Variants in VPS26A observed in about 807,000 individuals in gnomAD.
VPS26A encodes vacuolar protein sorting-associated protein 26A.
A neutral mutation model predicts 42.4 loss-of-function variants in VPS26A; 22 were observed. The ratio of observed to expected loss-of-function variants is 0.52; its 90% CI spans 0.37 to 0.74. The LOEUF (loss-of-function observed/expected upper bound fraction) is 0.74. VPS26A is among the 30% of genes least tolerant of loss of function. VPS26A has a pLI of 0.00. For missense variants in VPS26A, 276 were observed against 379.2 expected (o/e 0.73, Z 2.26); for synonymous variants, 110 against 123.5 (o/e 0.89, Z 0.73).
intron 1 of VPS26A, among the ~76,000 whole-genome samples, chr10:69,132,488 G>A (rs946737718): frequency 1.3e-5 from 2 of 150,762 alleles, no homozygotes; most frequent in East Asian, 1.9e-4. Flanking sequence ...TGTTGCCTAG[G>A]CTGGAGTGCA....
chr10:69,136,710 A>C (rs10998597), intron 2 of VPS26A, among the ~76,000 whole-genome samples: 6,338 of 152,212 alleles, frequency 0.042, 466 homozygotes, highest in African/African-American at 0.14. Context: ...CGTTATCTAT[A>C]TCTTGTGACC....
intron 4 of VPS26A, among the ~76,000 whole-genome samples, chr10:69,157,505 G>C (rs1273546478): frequency 2.6e-5 from 4 of 152,184 alleles, no homozygotes; most frequent in Non-Finnish European, 5.9e-5. Flanking sequence ...TGGAGTACCA[G>C]AGAGGCTCTG....
At chr10:69,134,859 G>C (rs1462318900) in intron 2 of VPS26A, among the ~76,000 whole-genome samples, 1 of 152,028 alleles carries the variant, frequency 6.6e-6, no homozygotes, top group Non-Finnish European at 1.5e-5. Flanking sequence ...TTAGGAGGCC[G>C]AGGAGGGAGG....
At chr10:69,147,530 T>C (rs1273664546) in intron 2 of VPS26A, among the ~76,000 whole-genome samples, 1 of 152,160 alleles carries the variant, frequency 6.6e-6, no homozygotes, top group Non-Finnish European at 1.5e-5. Flanking sequence ...TCTAAGAGTT[T>C]TTTAATTGTA....
chr10:69,147,275 T>C (rs1221031951), intron 2 of VPS26A, among the ~76,000 whole-genome samples: 1 of 152,206 alleles, frequency 6.6e-6, no homozygotes, highest in Non-Finnish European at 1.5e-5. Context: ...TTTCTTTTTA[T>C]GGTTGAGTTG....
At chr10:69,168,182 C>T (rs533261619) in intron 7 of VPS26A, among the ~76,000 whole-genome samples, 2 of 152,290 alleles carry the variant, frequency 1.3e-5, no homozygotes, top group African/African-American at 2.4e-5. Flanking sequence ...GCAACTTCAC[C>T]TCACAATGAA....
At chr10:69,157,196 T>G in intron 4 of VPS26A, 33 bp downstream of exon 4, 2 of 1,574,512 alleles carry the variant, frequency 1.3e-6, no homozygotes, top group Admixed American at 3.8e-5. Flanking sequence ...GTAAACAGAA[T>G]CAAAACCAGA....
chr10:69,132,077 A>G (rs1034814719), intron 1 of VPS26A, among the ~76,000 whole-genome samples: 1 of 152,230 alleles, frequency 6.6e-6, no homozygotes, highest in Non-Finnish European at 1.5e-5. Context: ...ACAGTGTAAC[A>G]TATCCTGTTC....
chr10:69,133,671 G>C, intron 2 of VPS26A: 2 of 1,183,590 alleles, frequency 1.7e-6, no homozygotes, highest in Non-Finnish European at 2.2e-6. Context: ...TGGGTTTTTT[G>C]GGTTTTTTGT....
intron 2 of VPS26A, among the ~76,000 whole-genome samples, chr10:69,144,813 A>G (rs1330088203): frequency 3.3e-5 from 5 of 151,840 alleles, no homozygotes; most frequent in Admixed American, 6.6e-5. Flanking sequence ...TCCTTTGTCT[A>G]TGTATGTATC....
At chr10:69,162,914 A>G (rs548346540) in intron 6 of VPS26A, among the ~76,000 whole-genome samples, 3 of 152,182 alleles carry the variant, frequency 2.0e-5, no homozygotes, top group Non-Finnish European at 4.4e-5. Context: ...TTCAGCTTGG[A>G]CAACAGAGTG....
intron 2 of VPS26A, among the ~76,000 whole-genome samples, chr10:69,139,827 G>T (rs1403105970): frequency 1.3e-5 from 2 of 151,892 alleles, no homozygotes; most frequent in South Asian, 2.1e-4. Context: ...TTTCTAAAAT[G>T]ATTTTTACTT....
Position 69,132,878 on chromosome 10 carries a change from C to G in VPS26A, c.4-20C>G, listed in dbSNP as rs748542609. The G allele has an allele frequency of 3.9e-5, 62 of 1,570,788 alleles. No individual in the cohort carries two copies. The highest frequency in any genetic ancestry group is 4.3e-5 in the Admixed American group (2 of 46,636). On this transcript the variant is annotated intron_variant, in intron 1 of 8. Coordinates refer to ENST00000263559, the MANE Select transcript of VPS26A (RefSeq NM_004896.5). Reference sequence around the variant, plus strand: ...GACTGACTAAACATGATAATTATGACCATTTTCATTTTATTTCAGAGTTTT... The same window carrying G: ...GACTGACTAAACATGATAATTATGAGCATTTTCATTTTATTTCAGAGTTTT...
At chr10:69,133,563 A>T (rs545546437) in intron 2 of VPS26A, 1 of 1,289,384 alleles carries the variant, frequency 7.8e-7, no homozygotes, top group Admixed American at 2.3e-5. Context: ...TACTTTTGGG[A>T]TGTGTCTATG....
chr10:69,136,258 T>C (rs1442206152), intron 2 of VPS26A, among the ~76,000 whole-genome samples: 1 of 146,362 alleles, frequency 6.8e-6, no homozygotes, highest in Non-Finnish European at 1.5e-5. Context: ...CTGTCATTTT[T>C]CTTTTCTTTT....
intron 2 of VPS26A, among the ~76,000 whole-genome samples, chr10:69,149,855 T>C (rs973313665): frequency 2.0e-5 from 3 of 146,926 alleles, no homozygotes; most frequent in Non-Finnish European, 4.5e-5. Flanking sequence ...GAAGTGATTC[T>C]CTAGCCTCAG....
At chr10:69,127,703 T>C (rs1191255525) in intron 1 of VPS26A, among the ~76,000 whole-genome samples, 1 of 151,372 alleles carries the variant, frequency 6.6e-6, no homozygotes, top group Non-Finnish European at 1.5e-5. Context: ...CCAATTTTAG[T>C]GTTTTGATTG....
At chr10:69,151,279 A>AAAC (rs1841306926) in intron 2 of VPS26A, among the ~76,000 whole-genome samples, 2 of 106,252 alleles carry the variant, frequency 1.9e-5, no homozygotes, top group African/African-American at 5.8e-5. Context: ...AAAAAAAAAA[A>AAAC]AAAACACACA....
chr10:69,165,223 T>C (rs1356784855), intron 6 of VPS26A, among the ~76,000 whole-genome samples: 1 of 152,160 alleles, frequency 6.6e-6, no homozygotes, highest in East Asian at 1.9e-4. Context: ...CCACTGTGCC[T>C]GGCCTCATCG....
Sources: gnomAD v4.1 joint callset for allele counts (sites outside exome capture counted in the v4.1 genomes callset) on GRCh38, gnomAD v4.1.1 for gene constraint, MANE v1.5 for transcripts, NCBI Gene and HGNC (gene_info 2026-07-23, HGNC 2026-07-21) for gene names.